LRMDA: variants seen among roughly 807,000 people sequenced by gnomAD.
LRMDA encodes the protein leucine rich melanocyte differentiation associated.
A neutral mutation model predicts 29.8 loss-of-function variants in LRMDA; 18 were observed. The ratio of observed to expected loss-of-function variants is 0.60; its 90% CI spans 0.42 to 0.90. The LOEUF is 0.90. Ranked by LOEUF, LRMDA falls within the 40% of genes least tolerant of loss-of-function variation. The probability of loss-of-function intolerance (pLI) is 0.00; values close to 1 mark genes in which losing one functional copy is unlikely to be tolerated. For missense variants in LRMDA, 273 were observed against 273.9 expected (o/e 1.00, Z 0.02); for synonymous variants, 125 against 109.4 (o/e 1.14, Z -0.89).
intron 2 of LRMDA, among the ~76,000 whole-genome samples, chr10:75,770,355 A>G (rs1843223276): frequency 6.6e-6 from 1 of 152,234 alleles, no homozygotes; most frequent in South Asian, 2.1e-4. Context: ...TAATGGTTGC[A>G]CAACAGTATG....
intron 6 of LRMDA, among the ~76,000 whole-genome samples, chr10:76,437,813 A>T (rs112452474): frequency 0.043 from 6,577 of 152,174 alleles, 161 homozygotes; most frequent in African/African-American, 0.056. Flanking sequence ...TCTTCCACCA[A>T]CCTAAGGGAT....
chr10:75,565,717 A>G (rs941240837), intron 2 of LRMDA, among the ~76,000 whole-genome samples: 1 of 152,306 alleles, frequency 6.6e-6, no homozygotes, highest in Admixed American at 6.5e-5. Flanking sequence ...GGTCAACCTC[A>G]TTGTGAAACT....
intron 5 of LRMDA, among the ~76,000 whole-genome samples, chr10:76,169,346 CTT>C (rs767098225): frequency 6.6e-6 from 1 of 152,164 alleles, no homozygotes; most frequent in Non-Finnish European, 1.5e-5. Flanking sequence ...TTTAAATACT[CTT>C]TTAGCCATGG....
chr10:75,841,553 G>A (rs1844541276), intron 2 of LRMDA, among the ~76,000 whole-genome samples: 2 of 152,200 alleles, frequency 1.3e-5, no homozygotes, highest in Admixed American at 1.3e-4. Context: ...GGTGTGGTTT[G>A]TCTTCCCACT....
chr10:75,817,847 A>G (rs1844087323), intron 2 of LRMDA, among the ~76,000 whole-genome samples: 1 of 152,224 alleles, frequency 6.6e-6, no homozygotes, highest in African/African-American at 2.4e-5. Flanking sequence ...AAGTGACTTA[A>G]GCAGGGAGGA....
intron 2 of LRMDA, among the ~76,000 whole-genome samples, chr10:75,989,356 G>A (rs1847318657): frequency 6.6e-6 from 1 of 152,222 alleles, no homozygotes. Flanking sequence ...ATGGCCGAAG[G>A]CAAAGAGGGC....
intron 6 of LRMDA, among the ~76,000 whole-genome samples, chr10:76,401,339 C>T (rs1300493744): frequency 6.6e-6 from 1 of 152,190 alleles, no homozygotes; most frequent in African/African-American, 2.4e-5. Flanking sequence ...TTTATTCCTT[C>T]CTTTACCGCA....
chr10:76,222,871 G>A (rs1204001049), intron 5 of LRMDA, among the ~76,000 whole-genome samples: 2 of 151,980 alleles, frequency 1.3e-5, no homozygotes, highest in Admixed American at 1.3e-4. Flanking sequence ...CAACCCAAAT[G>A]TCCAACAATG....
intron 6 of LRMDA, among the ~76,000 whole-genome samples, chr10:76,427,412 A>G (rs1047399706): frequency 1.3e-5 from 2 of 151,854 alleles, no homozygotes; most frequent in African/African-American, 4.8e-5. Flanking sequence ...TTTGTCTGTT[A>G]TTGGTGTATA....
intron 2 of LRMDA, among the ~76,000 whole-genome samples, chr10:75,641,044 G>T (rs1372472493): frequency 1.3e-5 from 2 of 152,210 alleles, no homozygotes; most frequent in Non-Finnish European, 2.9e-5. Context: ...GGAAGTAGAG[G>T]TGGAAAAACA....
chr10:76,270,442 C>A (rs1490428098), intron 5 of LRMDA: 1 of 152,404 alleles, frequency 6.6e-6, no homozygotes, highest in African/African-American at 2.4e-5. Flanking sequence ...AGGAGGAAGA[C>A]CAGAGTGGCT....
chr10:76,039,004 G>A (rs985483010), intron 3 of LRMDA, among the ~76,000 whole-genome samples: 1 of 152,126 alleles, frequency 6.6e-6, no homozygotes, highest in South Asian at 2.1e-4. Context: ...GTTGGTACTG[G>A]GTGTTGGCTA....
chr10:75,850,443 A>T (rs1293232619), intron 2 of LRMDA, among the ~76,000 whole-genome samples: 2 of 152,184 alleles, frequency 1.3e-5, no homozygotes, highest in African/African-American at 4.8e-5. Context: ...TTCCCACTCA[A>T]ACTTAGTGTT....
At chr10:75,605,108 A>G (rs1840939442) in intron 2 of LRMDA, among the ~76,000 whole-genome samples, 1 of 152,262 alleles carries the variant, frequency 6.6e-6, no homozygotes. Flanking sequence ...TAAAAGAGTA[A>G]CAAAGATAAA....
chr10:76,288,642 A>G (rs1255807576), intron 5 of LRMDA, among the ~76,000 whole-genome samples: 1 of 152,192 alleles, frequency 6.6e-6, no homozygotes, highest in African/African-American at 2.4e-5. Context: ...GTCTAAAAGC[A>G]TGGCTTCCCA....
chr10:76,035,899 C>T (rs1010779581), intron 2 of LRMDA, 109 bp from the exon 3 acceptor site: 3 of 1,435,494 alleles, frequency 2.1e-6, no homozygotes, highest in African/African-American at 1.4e-5. Flanking sequence ...GGCACCAAGC[C>T]CAAACTATTC....
At chr10:76,321,391 C>T (rs754266832) in intron 5 of LRMDA, among the ~76,000 whole-genome samples, 65 of 152,220 alleles carry the variant, frequency 4.3e-4, no homozygotes, top group African/African-American at 1.4e-3. Flanking sequence ...GTGGAAAAAT[C>T]GTATCTTGTT....
intron 2 of LRMDA, among the ~76,000 whole-genome samples, chr10:75,787,558 C>T (rs1405574022): frequency 6.6e-6 from 1 of 152,178 alleles, no homozygotes; most frequent in East Asian, 1.9e-4. Context: ...TCCAGACCCC[C>T]CGCCCTCATG....
chr10:75,812,108 ATTTTTTTTTTTTTTTTT>A (rs67846089), intron 2 of LRMDA, among the ~76,000 whole-genome samples: 1 of 46,258 alleles, frequency 2.2e-5, no homozygotes, highest in Admixed American at 3.1e-4. Context: ...TTTAATTGTG[ATTTTTTTTTTTTTTTTT>A]TTTTTTTTTT....
Sources: gnomAD v4.1 joint callset for allele counts (sites outside exome capture counted in the v4.1 genomes callset) on GRCh38, gnomAD v4.1.1 for gene constraint, MANE v1.5 for transcripts, NCBI Gene and HGNC (gene_info 2026-07-23, HGNC 2026-07-21) for gene names.